The following CDK7 variants were observed in gnomAD, a reference collection of about 807,000 sequenced individuals.
CDK7 encodes the protein cyclin-dependent kinase 7.
A neutral mutation model predicts 49.1 loss-of-function variants in CDK7; 25 were observed. That is an observed-to-expected ratio of 0.51 (90% confidence interval 0.37 to 0.71). CDK7 has a LOEUF of 0.71. Among genes scored for constraint, CDK7 ranks in the 30% least tolerant of loss-of-function variants. CDK7 has a pLI of 0.00. For missense variants in CDK7, 316 were observed against 411.7 expected, an observed-to-expected ratio of 0.77 and a Z score of 2.01; for synonymous variants, 107 against 140.0, an observed-to-expected ratio of 0.76 and a Z score of 1.67.
At chr5:69,235,152 C>G in intron 1 of CDK7, 111 bp downstream of exon 1, 2 of 1,072,068 alleles carry the variant, frequency 1.9e-6, no homozygotes, top group Non-Finnish European at 2.8e-6. Context: ...TGCTCGTTCT[C>G]GTTGGGGGAA....
At chr5:69,265,393 C>T (rs758684545) in intron 8 of CDK7, among the ~76,000 whole-genome samples, 13 of 143,076 alleles carry the variant, frequency 9.1e-5, no homozygotes, top group Middle Eastern at 3.4e-3. Flanking sequence ...TTTCAGAATA[C>T]GAAGGGGTAA....
chr5:69,234,833 C>G (rs1190166833), upstream of CDK7: 3 of 810,308 alleles, frequency 3.7e-6, no homozygotes, highest in Non-Finnish European at 6.0e-6. Flanking sequence ...GCTTCCTCCG[C>G]CCACCACGGA....
In CDK7 at chr5:69,258,034, G is replaced by T; in HGVS notation, c.298-9G>T. 1 of 1,344,934 alleles carries T rather than the reference G, an allele frequency of 7.4e-7. No individual in the cohort carries two copies. Among genetic ancestry groups the T allele is most frequent in the Non-Finnish European group, 1.1e-6 (1 of 948,132 alleles). 83.3% of individuals were successfully genotyped at this position (1,344,934 alleles called of 1,614,324 possible). On this transcript the variant is annotated splice_polypyrimidine_tract_variant and intron_variant, in intron 5 of 11. Transcript: ENST00000256443. ...AAGGGTACCTGTATATTGTATACTTGCTTTACAGGTTATAATAAAGGATAA... is the reference window on the plus strand; with the variant it reads ...AAGGGTACCTGTATATTGTATACTTTCTTTACAGGTTATAATAAAGGATAA...
intron 2 of CDK7, among the ~76,000 whole-genome samples, chr5:69,242,199 C>G (rs1749442267): frequency 6.6e-6 from 1 of 152,082 alleles, no homozygotes; most frequent in South Asian, 2.1e-4. Flanking sequence ...CAGGGCCAAC[C>G]AAGTGAGGAA....
Position 69,259,885 on chromosome 5 carries a change from C to T in CDK7, c.476C>T (p.Ala159Val). ...GVLKLADFGL[A>V]KSFGSPNRAY... ...CTAAAACTGGCAGATTTTGGCCTGG[C>T]CAAATCTTTTGGGAGCCCCAATAGA... The change falls in exon 7 of 12, where the codon GCC (alanine) becomes GTC (valine). Residue 159 changes from alanine (A) to valine (V), a missense_variant. Coordinates refer to ENST00000256443, the MANE Select transcript of CDK7 (RefSeq NM_001799.4). 1 of 1,614,030 alleles carries T rather than the reference C, an allele frequency of 6.2e-7. No individual in the cohort carries two copies. Among genetic ancestry groups the T allele is most frequent in the South Asian group, 1.1e-5 (1 of 91,072 alleles).
intron 9 of CDK7, among the ~76,000 whole-genome samples, chr5:69,270,483 G>T (rs1464802725): frequency 6.6e-6 from 1 of 152,022 alleles, no homozygotes; most frequent in Non-Finnish European, 1.5e-5. Flanking sequence ...CATATTTCAC[G>T]GACCCTTTAC....
chr5:69,273,493 C>T (rs1309951735), intron 10 of CDK7, among the ~76,000 whole-genome samples: 2 of 152,074 alleles, frequency 1.3e-5, no homozygotes, highest in Non-Finnish European at 2.9e-5. Flanking sequence ...ATCATTCTCA[C>T]ATTGAGAACA....
At chr5:69,275,882 A>C (rs1486200545) in intron 10 of CDK7, among the ~76,000 whole-genome samples, 1 of 152,146 alleles carries the variant, frequency 6.6e-6, no homozygotes, top group Non-Finnish European at 1.5e-5. Flanking sequence ...TTCATTTTTA[A>C]TCTTGGCTTC....
intron 2 of CDK7, among the ~76,000 whole-genome samples, chr5:69,248,322 A>G (rs148903856): frequency 0.019 from 2,825 of 152,234 alleles, 41 homozygotes; most frequent in Non-Finnish European, 0.027. Flanking sequence ...TGGGGGCTCC[A>G]TTATATGTTA....
chr5:69,237,432 C>G (rs991617368), intron 2 of CDK7, among the ~76,000 whole-genome samples: 3 of 152,150 alleles, frequency 2.0e-5, no homozygotes, highest in Non-Finnish European at 2.9e-5. Flanking sequence ...ATGGCTGATT[C>G]CTTATCATCC....
intron 4 of CDK7, among the ~76,000 whole-genome samples, chr5:69,255,183 G>T (rs879630294): frequency 1.3e-5 from 2 of 152,152 alleles, no homozygotes; most frequent in Admixed American, 1.3e-4. Flanking sequence ...CTGGAATGAG[G>T]TTTTCATTGG....
At chr5:69,261,939 C>T (rs1420372425) in intron 7 of CDK7, among the ~76,000 whole-genome samples, 1 of 152,034 alleles carries the variant, frequency 6.6e-6, no homozygotes, top group Non-Finnish European at 1.5e-5. Flanking sequence ...AGGTAGGGTC[C>T]AGAGAAGTTT....
chr5:69,259,113 G>A (rs964859142), intron 6 of CDK7, among the ~76,000 whole-genome samples: 1 of 151,648 alleles, frequency 6.6e-6, no homozygotes, highest in South Asian at 2.1e-4. Flanking sequence ...TTGGCTTTAA[G>A]TTCAGTATTC....
chr5:69,237,992 C>T (rs985242710), intron 2 of CDK7, among the ~76,000 whole-genome samples: 22 of 152,062 alleles, frequency 1.4e-4, no homozygotes, highest in Admixed American at 4.6e-4. Flanking sequence ...TGTTGTAGAC[C>T]TTATTCCAAC....
At chr5:69,241,314 C>CTTTTTTTT (rs747725798) in intron 2 of CDK7, among the ~76,000 whole-genome samples, 5 of 35,186 alleles carry the variant, frequency 1.4e-4, no homozygotes, top group Non-Finnish European at 2.0e-4. Context: ...TAGGTTTTTT[C>CTTTTTTTT]TTTTTTTTTT....
intron 2 of CDK7, among the ~76,000 whole-genome samples, chr5:69,243,042 GTC>G (rs1749493112): frequency 6.6e-6 from 1 of 151,808 alleles, no homozygotes; most frequent in Non-Finnish European, 1.5e-5. Context: ...CAAAAACTGT[GTC>G]TCAAAAAAAA....
chr5:69,260,954 GC>G (rs1750773901), intron 7 of CDK7, among the ~76,000 whole-genome samples: 1 of 151,944 alleles, frequency 6.6e-6, no homozygotes, highest in African/African-American at 2.4e-5. Context: ...AGTATCTGGG[GC>G]CACAGGCACG....
chr5:69,239,174 A>G (rs999855592), intron 2 of CDK7, among the ~76,000 whole-genome samples: 1 of 152,202 alleles, frequency 6.6e-6, no homozygotes, highest in African/African-American at 2.4e-5. Flanking sequence ...TTTACCAGAT[A>G]TGGTCAAATT....
chr5:69,245,526 C>T (rs905857449), intron 2 of CDK7, among the ~76,000 whole-genome samples: 34 of 151,216 alleles, frequency 2.2e-4, no homozygotes, highest in Non-Finnish European at 3.0e-4. Context: ...TTTTTAGTAG[C>T]GATGGGGTTT....
Sources: allele counts gnomAD v4.1 joint callset (sites outside exome capture counted in the v4.1 genomes callset), GRCh38; gene constraint gnomAD v4.1.1; transcripts MANE v1.5; gene names NCBI Gene and HGNC (gene_info 2026-07-23, HGNC 2026-07-21).